Variants in WDR35 observed in about 807,000 individuals in gnomAD.
The protein encoded by WDR35 is WD repeat-containing protein 35.
Under a neutral mutation model 158.3 loss-of-function variants are expected in WDR35, and 118 were observed. That is an observed-to-expected ratio of 0.75 (90% CI 0.64 to 0.87). The LOEUF (loss-of-function observed/expected upper bound fraction) is 0.87. Among genes scored for constraint, WDR35 ranks in the 40% least tolerant of loss-of-function variants. The pLI, the probability that WDR35 is intolerant of heterozygous loss-of-function variation, is 0.00. For missense variants in WDR35, 1,263 were observed against 1,405.8 expected (o/e 0.90, Z 1.62); for synonymous variants, 448 against 476.1 (o/e 0.94, Z 0.77).
chr2:19,939,671 G>A (rs898946488), intron 17 of WDR35, among the ~76,000 whole-genome samples: 12 of 152,008 alleles, frequency 7.9e-5, no homozygotes, highest in African/African-American at 2.7e-4. Context: ...TAACGGTAGT[G>A]ACTAAAATAT....
rs1045572647 is a variant in WDR35 at position 19,934,734 on chromosome 2, T to C, written c.2547+737A>G. Among the ~76,000 whole-genome samples, 20 of 152,134 alleles carry C rather than the reference T, an allele frequency of 1.3e-4. No homozygotes were observed. Among genetic ancestry groups the C allele is most frequent in the Non-Finnish European group, 2.2e-4 (15 of 68,026 alleles). On this transcript the variant is annotated intron_variant, in intron 21 of 26. Coordinates refer to ENST00000281405, the MANE Select transcript of WDR35 (RefSeq NM_020779.4). This position sits in a 1 kb window ranked among gnomAD's most constrained non-coding sequence, Gnocchi z 4.6. ...TTCCTACTCAAGAAAACCCATAGGA[T>C]TGAAAATAAGGGTGAGTGAAAATAC...
At chr2:19,926,915 CT>C (rs1670373719) in intron 25 of WDR35, among the ~76,000 whole-genome samples, 2 of 151,076 alleles carry the variant, frequency 1.3e-5, no homozygotes, top group Non-Finnish European at 3.0e-5. Context: ...CCCCCCCACC[CT>C]GTTGCAGCCA....
At position 19,974,445 on chromosome 2, in the gene WDR35, TTTTAA is replaced by T; in HGVS notation, c.736+18_736+22del. The stretch of plus-strand genomic sequence containing the variant: ...AAAAAAAATAGAAATTAAAAAAATT[TTTTAA>T]ACAGAAAAATTCCTTACTTTGGTCA... On this transcript the variant is annotated intron_variant, in intron 7 of 26. Coordinates refer to ENST00000281405, the MANE Select transcript of WDR35 (RefSeq NM_020779.4). 1 of 1,560,372 alleles carries T rather than the reference TTTTAA, an allele frequency of 6.4e-7. No individual in the cohort carries two copies. The highest frequency in any genetic ancestry group is 8.6e-7 in the Non-Finnish European group (1 of 1,157,568).
intron 13 of WDR35, 42 bp downstream of exon 13, chr2:19,951,373 C>T (rs762501384): frequency 1.2e-5 from 18 of 1,447,840 alleles, no homozygotes; most frequent in Admixed American, 1.7e-5. Context: ...TATTTCAAAT[C>T]TACAGATATT....
At chr2:19,965,299 A>G (rs1213777700) in intron 10 of WDR35, among the ~76,000 whole-genome samples, 1 of 152,170 alleles carries the variant, frequency 6.6e-6, no homozygotes, top group Non-Finnish European at 1.5e-5. Context: ...TTGTGTTTAG[A>G]TGGCTTTCTC....
At chr2:19,930,374 AC>A (rs779853757) in intron 25 of WDR35, 21 bp downstream of exon 25, 1 of 1,614,146 alleles carries the variant, frequency 6.2e-7, no homozygotes, top group African/African-American at 1.3e-5. Flanking sequence ...GACATACTAT[AC>A]ACATTAGGTG....
At chr2:19,930,677 A>G in intron 24 of WDR35, 125 bp from the exon 25 acceptor site, 1 of 1,430,682 alleles carries the variant, frequency 7.0e-7, no homozygotes, top group South Asian at 1.2e-5. Flanking sequence ...CTATGATTAC[A>G]GACTTTTTTT....
intron 8 of WDR35, among the ~76,000 whole-genome samples, chr2:19,972,650 G>A (rs181410486): frequency 1.3e-5 from 2 of 151,824 alleles, no homozygotes; most frequent in Non-Finnish European, 2.9e-5. Context: ...ATTCTACTGG[G>A]TAACTTTGAG....
rs570259672 is a variant in WDR35, at chr2:19,982,812, A to G, written c.143-278T>C. 2.8e-4 allele frequency among the ~76,000 whole-genome samples: 42 copies of G among 152,342 alleles called. 1 individual carries two copies. In the South Asian group the frequency reaches 8.1e-3, roughly 29 times the overall value. On this transcript the variant is annotated intron_variant, in intron 2 of 26. Coordinates refer to ENST00000281405, the MANE Select transcript of WDR35 (RefSeq NM_020779.4). The stretch of plus-strand genomic sequence containing the variant: ...TTTTATTCCTTTCCAAAAGACCACA[A>G]ATAGAAATATTTATGGCCTACAGAT...
intron 19 of WDR35, among the ~76,000 whole-genome samples, chr2:19,936,576 C>T (rs1048645250): frequency 6.6e-6 from 1 of 152,126 alleles, no homozygotes; most frequent in Non-Finnish European, 1.5e-5. Flanking sequence ...CTCCAAAATT[C>T]ATGTTAAAAC....
chr2:19,988,140 C>A (rs1473355462), intron 2 of WDR35, among the ~76,000 whole-genome samples: 1 of 152,114 alleles, frequency 6.6e-6, no homozygotes, highest in African/African-American at 2.4e-5. Flanking sequence ...TTACTGGCTG[C>A]GTGACCTAGG....
chr2:19,975,775 C>T, intron 5 of WDR35, 112 bp from the exon 6 acceptor site: 2 of 1,401,096 alleles, frequency 1.4e-6, no homozygotes, highest in Non-Finnish European at 2.0e-6. Flanking sequence ...TTCATGCATT[C>T]ATTCAATTTA....
chr2:19,972,658 G>A (rs1184168207), intron 8 of WDR35, among the ~76,000 whole-genome samples: 1 of 151,686 alleles, frequency 6.6e-6, no homozygotes, highest in Non-Finnish European at 1.5e-5. Flanking sequence ...GGGTAACTTT[G>A]AGATACTGAT....
At chr2:19,964,171 G>GA in intron 10 of WDR35, among the ~76,000 whole-genome samples, 1 of 152,156 alleles carries the variant, frequency 6.6e-6, no homozygotes, top group East Asian at 1.9e-4. Flanking sequence ...TTTCCTCCCT[G>GA]AAAGCTTGTA....
chr2:19,950,595 A>G (rs1671205062), intron 13 of WDR35, among the ~76,000 whole-genome samples: 1 of 152,226 alleles, frequency 6.6e-6, no homozygotes, highest in Admixed American at 6.5e-5. Context: ...GTTCCCTGTT[A>G]AAGCGACTGT....
intron 24 of WDR35, 138 bp from the exon 25 acceptor site, chr2:19,930,690 T>A: frequency 3.9e-6 from 5 of 1,274,048 alleles, no homozygotes; most frequent in South Asian, 1.3e-5. Flanking sequence ...CTTTTTTTTT[T>A]AAGAGATGAG....
Position 19,973,553 on chromosome 2 carries a change from A to G in WDR35, c.882+10T>C. 1 of 1,614,162 alleles carries G rather than the reference A, an allele frequency of 6.2e-7. No homozygotes were observed. The highest frequency in any genetic ancestry group is 8.5e-7 in the Non-Finnish European group (1 of 1,180,010). On this transcript the variant is annotated intron_variant, in intron 8 of 26. Coordinates refer to ENST00000281405, the MANE Select transcript of WDR35 (RefSeq NM_020779.4). ...ATAGAAAGAAAGAAGATCAATTTGA[A>G]TGCATTTACCTCACCAAACGGAGTG...
chr2:19,946,055 G>A lies in WDR35; in HGVS notation c.1635-59C>T, dbSNP rs146372710. On this transcript the variant is annotated intron_variant, in intron 15 of 26. Coordinates refer to ENST00000281405, the MANE Select transcript of WDR35 (RefSeq NM_020779.4). ...CTATAAAATTACTATCAGCAATCATGAGAATAATTACCTATAGCCATTCTT... is the reference window on the plus strand; with the variant it reads ...CTATAAAATTACTATCAGCAATCATAAGAATAATTACCTATAGCCATTCTT... 258 of 1,521,216 alleles carry A rather than the reference G, an allele frequency of 1.7e-4. No homozygotes were observed. The African/African-American group carries it at 3.2e-3, about 19-fold the overall frequency. 94.2% of individuals were successfully genotyped at this position (1,521,216 alleles called of 1,614,324 possible). A position where few individuals can be genotyped will look rare whatever the true frequency, so the allele number is the denominator to read the frequency against.
At chr2:19,973,825 G>A in intron 7 of WDR35, 117 bp from the exon 8 acceptor site, 2 of 1,420,978 alleles carry the variant, frequency 1.4e-6, no homozygotes, top group South Asian at 1.2e-5. Flanking sequence ...TAAAAAAACA[G>A]GGCTGGGTAC....
Sources: allele counts gnomAD v4.1 joint callset (sites outside exome capture counted in the v4.1 genomes callset), GRCh38; gene constraint gnomAD v4.1.1; non-coding constraint Gnocchi (gnomAD v3.1); transcripts MANE v1.5; gene names NCBI Gene and HGNC (gene_info 2026-07-23, HGNC 2026-07-21).